The following PDE1A variants were observed in gnomAD, a reference collection of about 807,000 sequenced individuals.
PDE1A encodes the protein dual specificity calcium/calmodulin-dependent 3',5'-cyclic nucleotide phosphodiesterase 1A.
Under a neutral mutation model 61.7 loss-of-function variants are expected in PDE1A, and 35 were observed. That is an observed-to-expected ratio of 0.57 (90% CI 0.43 to 0.75). PDE1A has a LOEUF of 0.75. PDE1A is among the 30% of genes least tolerant of loss of function. The pLI is 0.00. For synonymous variants in PDE1A, 232 were observed against 213.2 expected (o/e 1.09, Z -0.77); for missense variants, 597 against 630.6 (o/e 0.95, Z 0.57).
intron 1 of PDE1A, among the ~76,000 whole-genome samples, chr2:182,276,313 C>T (rs941307488): frequency 3.9e-5 from 6 of 152,012 alleles, no homozygotes; most frequent in East Asian, 3.9e-4. Flanking sequence ...CAGCTGGAGC[C>T]GCGGCAGAGG....
chr2:182,502,494 T>G (rs531541916), intron 2 of PDE1A, among the ~76,000 whole-genome samples: 1 of 152,334 alleles, frequency 6.6e-6, no homozygotes, highest in African/African-American at 2.4e-5. Flanking sequence ...TCCTGTGATT[T>G]TAAATACACC....
the PDE1A span, among the ~76,000 whole-genome samples, chr2:182,588,184 AT>A: frequency 6.6e-6 from 1 of 152,208 alleles, no homozygotes; most frequent in Non-Finnish European, 1.5e-5. Flanking sequence ...CCTTCTCATC[AT>A]CTGTTCACTA....
At chr2:182,609,774 T>G in the PDE1A span, among the ~76,000 whole-genome samples, 20 of 152,168 alleles carry the variant, frequency 1.3e-4, no homozygotes, top group African/African-American at 4.8e-4. Context: ...CATTCCAGAG[T>G]GGGTCCCACC....
chr2:182,179,503 A>G (rs556465806), intron 13 of PDE1A, among the ~76,000 whole-genome samples: 2 of 152,330 alleles, frequency 1.3e-5, no homozygotes, highest in Admixed American at 6.5e-5. Flanking sequence ...ATTATCACAA[A>G]ATTCAAAACA....
chr2:182,244,371 A>ATT (rs755813407), intron 2 of PDE1A, among the ~76,000 whole-genome samples: 13 of 150,244 alleles, frequency 8.7e-5, no homozygotes, highest in Admixed American at 1.3e-4. Flanking sequence ...TTTTTTTAAA[A>ATT]AAACTTTAAA....
chr2:182,686,495 C>G, the PDE1A span, among the ~76,000 whole-genome samples: 2 of 152,092 alleles, frequency 1.3e-5, no homozygotes. Context: ...CATTTTTGGT[C>G]TGAAATAGCA....
intron 1 of PDE1A, among the ~76,000 whole-genome samples, chr2:182,288,003 T>C (rs920459184): frequency 2.0e-5 from 3 of 152,090 alleles, no homozygotes; most frequent in Non-Finnish European, 2.9e-5. Flanking sequence ...GTGTATTACA[T>C]GGCATTTAAA....
chr2:182,366,247 A>G (rs958759277), intron 1 of PDE1A, among the ~76,000 whole-genome samples: 2 of 152,104 alleles, frequency 1.3e-5, no homozygotes, highest in Admixed American at 6.6e-5. Context: ...TTTGCCTCAA[A>G]AAAGGATAAG....
chr2:182,184,170 A>G lies in PDE1A; in HGVS notation c.1516+1722T>C, dbSNP rs141917765. On this transcript the variant is annotated intron_variant, in intron 13 of 13. Transcript: ENST00000351439. ...ACAGAGAGAAAGAGGCAGAAGAAAA[A>G]TATTGAACAAAATGACAGAAAGCTT... is the stretch of plus-strand genomic sequence containing the variant. Among the ~76,000 whole-genome samples the G allele has an allele frequency of 3.9e-5, 6 of 152,206 alleles. No individual in the cohort carries two copies. In the East Asian group the frequency reaches 1.2e-3, roughly 29 times the overall value.
At chr2:182,511,263 C>T (rs1210943999) in intron 2 of PDE1A, among the ~76,000 whole-genome samples, 2 of 151,666 alleles carry the variant, frequency 1.3e-5, no homozygotes, top group African/African-American at 4.8e-5. Context: ...TCAAAAAGAC[C>T]GGCACGCTCC....
chr2:182,551,524 C>T, the PDE1A span, among the ~76,000 whole-genome samples: 6 of 152,144 alleles, frequency 3.9e-5, no homozygotes, highest in Non-Finnish European at 8.8e-5. Context: ...TGCCTACTCC[C>T]AACTTCAGGT....
the PDE1A span, among the ~76,000 whole-genome samples, chr2:182,633,278 T>C: frequency 7.2e-5 from 11 of 152,220 alleles, no homozygotes; most frequent in Non-Finnish European, 1.3e-4. Context: ...TTTATCTGTG[T>C]AGTCAAATAG....
the PDE1A span, among the ~76,000 whole-genome samples, chr2:182,531,764 A>G: frequency 6.6e-6 from 1 of 152,194 alleles, no homozygotes; most frequent in Non-Finnish European, 1.5e-5. Context: ...GGTTTGTTAC[A>G]TAGGTAAACA....
chr2:182,684,513 T>A, the PDE1A span, among the ~76,000 whole-genome samples: 2 of 152,196 alleles, frequency 1.3e-5, no homozygotes. Flanking sequence ...CAGACTTTCC[T>A]GAAGAAGAAA....
intron 1 of PDE1A, among the ~76,000 whole-genome samples, chr2:182,368,117 T>C (rs1456689084): frequency 6.6e-6 from 1 of 152,152 alleles, no homozygotes; most frequent in Non-Finnish European, 1.5e-5. Context: ...GTAAGAGTAT[T>C]TTAAAGTAAA....
At chr2:182,635,514 T>C in the PDE1A span, among the ~76,000 whole-genome samples, 3 of 152,200 alleles carry the variant, frequency 2.0e-5, no homozygotes, top group Non-Finnish European at 1.5e-5. Context: ...TTTCATTGTA[T>C]GAAAAACCAT....
intron 2 of PDE1A, among the ~76,000 whole-genome samples, chr2:182,485,373 G>T (rs1365890983): frequency 6.6e-6 from 1 of 152,012 alleles, no homozygotes; most frequent in South Asian, 2.1e-4. Context: ...TGAGGGCAAT[G>T]GGTGGGAGGA....
At chr2:182,256,187 A>C (rs890805387) in intron 2 of PDE1A, among the ~76,000 whole-genome samples, 1 of 140,162 alleles carries the variant, frequency 7.1e-6, no homozygotes, top group Non-Finnish European at 1.5e-5. Flanking sequence ...TGCACCCACT[A>C]ACTCGTCATC....
intron 2 of PDE1A, among the ~76,000 whole-genome samples, chr2:182,462,144 G>A (rs1460802582): frequency 6.6e-6 from 1 of 151,878 alleles, no homozygotes; most frequent in Non-Finnish European, 1.5e-5. Flanking sequence ...ATCACACACC[G>A]GGGCCTGTTG....
Sources: allele counts gnomAD v4.1 joint callset (sites outside exome capture counted in the v4.1 genomes callset), GRCh38; gene constraint gnomAD v4.1.1; transcripts MANE v1.5; gene names NCBI Gene and HGNC (gene_info 2026-07-23, HGNC 2026-07-21).